Variants in SLC25A12 observed in about 807,000 individuals in gnomAD.
SLC25A12 encodes solute carrier family 25 member 12.
Under a neutral mutation model 83.3 loss-of-function variants are expected in SLC25A12, and 32 were observed. The ratio of observed to expected loss-of-function variants is 0.38; its 90% confidence interval spans 0.29 to 0.52. The LOEUF (loss-of-function observed/expected upper bound fraction) is 0.52. SLC25A12 is among the 20% of genes least tolerant of loss of function. SLC25A12 has a pLI of 0.84. For missense variants in SLC25A12, 611 were observed against 835.6 expected (o/e 0.73, Z 3.31); for synonymous variants, 267 against 291.1 (o/e 0.92, Z 0.84).
intron 5 of SLC25A12, among the ~76,000 whole-genome samples, 155 bp downstream of exon 5, chr2:171,844,214 A>T (rs1184659160): frequency 5.3e-5 from 8 of 152,248 alleles, no homozygotes; most frequent in Admixed American, 5.2e-4. Flanking sequence ...AGCTATTAAG[A>T]GTTTAAAGAA....
intron 9 of SLC25A12, among the ~76,000 whole-genome samples, chr2:171,819,447 T>A (rs1450783744): frequency 1.6e-5 from 1 of 63,900 alleles, no homozygotes; most frequent in Non-Finnish European, 3.5e-5. Flanking sequence ...ATATAATATA[T>A]AATACTTATT....
chr2:171,789,481 G>A (rs964372042), intron 15 of SLC25A12, among the ~76,000 whole-genome samples: 5 of 152,102 alleles, frequency 3.3e-5, no homozygotes, highest in Non-Finnish European at 7.3e-5. Context: ...GCCCGCCTTG[G>A]CCTCCCAAAG....
In SLC25A12 at chr2:171,783,600, TG is replaced by T. The variant is rs1372946166; in HGVS notation, c.*1673del. ...GTAACCTGTTAGCAGTGATTACCTCTGGGCCAGGAAGTGGTGGAGGTAGAAG... is the reference window on the plus strand; with the variant it reads ...GTAACCTGTTAGCAGTGATTACCTCTGGCCAGGAAGTGGTGGAGGTAGAAG... On this transcript the variant is annotated 3_prime_UTR_variant, in exon 18 of 18. Coordinates refer to ENST00000422440, the MANE Select transcript of SLC25A12 (RefSeq NM_003705.5). 2.6e-5 allele frequency among the ~76,000 whole-genome samples: 4 copies of T among 152,316 alleles called. No individual in the cohort carries two copies. Among genetic ancestry groups the T allele is most frequent in the African/African-American group, 9.6e-5 (4 of 41,584 alleles).
chr2:171,860,370 C>A (rs921460981), intron 3 of SLC25A12, among the ~76,000 whole-genome samples: 11 of 152,078 alleles, frequency 7.2e-5, no homozygotes, highest in African/African-American at 2.6e-4. Context: ...CACTTGAGGT[C>A]AGTGGATCAC....
At chr2:171,857,306 G>A (rs1485118293) in intron 3 of SLC25A12, among the ~76,000 whole-genome samples, 1 of 152,176 alleles carries the variant, frequency 6.6e-6, no homozygotes, top group South Asian at 2.1e-4. Context: ...AGGAAGTAGA[G>A]GCTGTAATAA....
chr2:171,871,610 G>T, intron 2 of SLC25A12: 2 of 527,950 alleles, frequency 3.8e-6, no homozygotes, highest in Non-Finnish European at 4.9e-6. Flanking sequence ...GTGAGCCACC[G>T]TGCCGGGCCC....
intron 5 of SLC25A12, among the ~76,000 whole-genome samples, chr2:171,841,552 T>C (rs890868179): frequency 6.6e-6 from 1 of 152,066 alleles, no homozygotes; most frequent in African/African-American, 2.4e-5. Context: ...TTTGTATTTT[T>C]TGTAAAGATG....
intron 2 of SLC25A12, among the ~76,000 whole-genome samples, chr2:171,875,264 CAG>C (rs1325851185): frequency 2.0e-5 from 3 of 152,184 alleles, no homozygotes; most frequent in Middle Eastern, 3.2e-3. Context: ...TTTCTGTATC[CAG>C]GCCCTTAATC....
chr2:171,890,387 TAGTTTGA>T (rs1558947676), intron 2 of SLC25A12, among the ~76,000 whole-genome samples: 1 of 152,196 alleles, frequency 6.6e-6, no homozygotes. Flanking sequence ...CAAATAACTA[TAGTTTGA>T]AGTATTCAAG....
chr2:171,846,150 G>A (rs566445521), intron 4 of SLC25A12, among the ~76,000 whole-genome samples: 1 of 151,994 alleles, frequency 6.6e-6, no homozygotes, highest in South Asian at 2.1e-4. Flanking sequence ...GCTGTTTCTA[G>A]TCCCAAATTA....
rs1044905537 is a variant in SLC25A12, at chr2:171,787,985, C to T, written c.1586-38G>A. ...AACCACATTTAATTTATCTAGAGTA[C>T]CTTATAAAAGATAGGAATACTGCTA... is the stretch of plus-strand genomic sequence containing the variant. On this transcript the variant is annotated intron_variant, in intron 15 of 17. Coordinates refer to ENST00000422440, the MANE Select transcript of SLC25A12 (RefSeq NM_003705.5). 10 of 1,608,374 alleles carry T rather than the reference C, an allele frequency of 6.2e-6. No homozygotes were observed. The East Asian group carries it at 8.9e-5, about 14-fold the overall frequency.
intron 3 of SLC25A12, among the ~76,000 whole-genome samples, chr2:171,860,011 C>T (rs956898410): frequency 5.9e-5 from 9 of 152,066 alleles, no homozygotes; most frequent in Non-Finnish European, 1.2e-4. Context: ...TCAGGTGATC[C>T]GCCCACCTAG....
chr2:171,890,792 A>T (rs1420394000), intron 2 of SLC25A12, among the ~76,000 whole-genome samples: 1 of 152,034 alleles, frequency 6.6e-6, no homozygotes, highest in Non-Finnish European at 1.5e-5. Flanking sequence ...CTATATTGTT[A>T]TCTTTCTTGC....
intron 2 of SLC25A12, among the ~76,000 whole-genome samples, chr2:171,887,932 G>C (rs1354714758): frequency 1.3e-5 from 2 of 152,076 alleles, no homozygotes; most frequent in Admixed American, 1.3e-4. Flanking sequence ...AACTTGAGAA[G>C]CAATGAACAC....
chr2:171,889,826 C>T (rs901609621), intron 2 of SLC25A12, among the ~76,000 whole-genome samples: 1 of 151,716 alleles, frequency 6.6e-6, no homozygotes, highest in Non-Finnish European at 1.5e-5. Context: ...CATAGTCTGA[C>T]ATTAATTTAA....
intron 6 of SLC25A12, among the ~76,000 whole-genome samples, chr2:171,836,698 C>T (rs575355220): frequency 3.3e-5 from 5 of 152,222 alleles, no homozygotes; most frequent in East Asian, 1.9e-4. Flanking sequence ...CTTGGGAGCC[C>T]GGTGGTGTGG....
chr2:171,818,175 T>G (rs2105868473), intron 9 of SLC25A12, among the ~76,000 whole-genome samples: 1 of 152,312 alleles, frequency 6.6e-6, no homozygotes, highest in African/African-American at 2.4e-5. Flanking sequence ...CTGTCATCCC[T>G]ATTAATGACT....
intron 5 of SLC25A12, among the ~76,000 whole-genome samples, chr2:171,839,596 TA>T (rs1434475916): frequency 1.3e-5 from 2 of 152,022 alleles, no homozygotes; most frequent in South Asian, 2.1e-4. Flanking sequence ...CACTCTCCAC[TA>T]AAATAACAAT....
chr2:171,891,902 T>C (rs1235444726), intron 2 of SLC25A12, among the ~76,000 whole-genome samples: 1 of 152,248 alleles, frequency 6.6e-6, no homozygotes, highest in Admixed American at 6.5e-5. Flanking sequence ...TTATTTTTCA[T>C]AAACTACACA....
Sources: gnomAD v4.1 joint callset for allele counts (sites outside exome capture counted in the v4.1 genomes callset) on GRCh38, gnomAD v4.1.1 for gene constraint, MANE v1.5 for transcripts, NCBI Gene and HGNC (gene_info 2026-07-23, HGNC 2026-07-21) for gene names.